HPSE2: variants seen among roughly 807,000 people sequenced by gnomAD.
HPSE2 encodes heparanase 2 (inactive), also known as inactive heparanase-2.
In HPSE2, 38 loss-of-function variants were observed where a neutral mutation model predicts 60.5. The observed-to-expected ratio is 0.63, with a 90% confidence interval of 0.48 to 0.82. HPSE2 has a LOEUF of 0.82. HPSE2 is among the 40% of genes least tolerant of loss of function. The pLI, the probability that HPSE2 is intolerant of heterozygous loss-of-function variation, is 0.00. For synonymous variants in HPSE2, 295 were observed against 293.2 expected, an observed-to-expected ratio of 1.01 and a Z score of -0.06; for missense variants, 713 against 740.4, an observed-to-expected ratio of 0.96 and a Z score of 0.43.
chr10:98,537,661 T>C (rs756686175), intron 9 of HPSE2, among the ~76,000 whole-genome samples: 8 of 152,166 alleles, frequency 5.3e-5, no homozygotes, highest in Non-Finnish European at 1.2e-4. Flanking sequence ...GAGGGCTCCT[T>C]GGTCAAGCGG....
intron 3 of HPSE2, among the ~76,000 whole-genome samples, chr10:98,755,339 T>G (rs913803482): frequency 2.6e-5 from 4 of 152,178 alleles, no homozygotes; most frequent in Non-Finnish European, 4.4e-5. Flanking sequence ...TAAACATATA[T>G]GCACTCAACA....
chr10:98,523,743 T>C (rs895007603), intron 9 of HPSE2, among the ~76,000 whole-genome samples: 10 of 152,192 alleles, frequency 6.6e-5, no homozygotes, highest in East Asian at 3.8e-4. Context: ...TAAAAATGTA[T>C]TTTTAAATTT....
chr10:98,895,958 A>G, intron 3 of HPSE2, among the ~76,000 whole-genome samples: 1 of 115,382 alleles, frequency 8.7e-6, no homozygotes. Flanking sequence ...GGGGGGAGGG[A>G]TAGCCTTAGG....
intron 3 of HPSE2, among the ~76,000 whole-genome samples, chr10:98,799,610 T>C (rs1950860035): frequency 6.6e-6 from 1 of 151,726 alleles, no homozygotes; most frequent in Non-Finnish European, 1.5e-5. Flanking sequence ...GGAATAAAAC[T>C]ATAAATTAAT....
chr10:99,190,355 T>C (rs767932782), intron 2 of HPSE2, among the ~76,000 whole-genome samples: 3 of 152,178 alleles, frequency 2.0e-5, no homozygotes, highest in African/African-American at 7.2e-5. Flanking sequence ...CTATCTATAA[T>C]ACAGAAATAA....
chr10:99,204,234 A>G (rs1848668916), intron 2 of HPSE2, among the ~76,000 whole-genome samples: 1 of 151,482 alleles, frequency 6.6e-6, no homozygotes, highest in Non-Finnish European at 1.5e-5. Context: ...CAAACAACAG[A>G]CCCACCCCAG....
intron 3 of HPSE2, among the ~76,000 whole-genome samples, chr10:98,945,996 A>T (rs185338601): frequency 1.3e-5 from 2 of 152,170 alleles, no homozygotes; most frequent in Admixed American, 6.6e-5. Context: ...TATATCAGAA[A>T]TTTTTTTCAA....
intron 3 of HPSE2, among the ~76,000 whole-genome samples, chr10:99,135,910 A>G (rs1285138273): frequency 6.6e-6 from 1 of 152,150 alleles, no homozygotes; most frequent in Admixed American, 6.5e-5. Flanking sequence ...TGAGGGAGAT[A>G]GAGACATGAA....
At chr10:99,305,532 G>T in the HPSE2 span, among the ~76,000 whole-genome samples, 1 of 152,088 alleles carries the variant, frequency 6.6e-6, no homozygotes, top group Non-Finnish European at 1.5e-5. Flanking sequence ...TAAAAGGAAG[G>T]AAGGAAAAAA....
intron 9 of HPSE2, among the ~76,000 whole-genome samples, chr10:98,548,886 C>T (rs969045485): frequency 1.3e-5 from 2 of 152,206 alleles, no homozygotes; most frequent in Admixed American, 6.5e-5. Flanking sequence ...ATCAGTCTTT[C>T]AATTCATCTT....
intron 7 of HPSE2, among the ~76,000 whole-genome samples, chr10:98,621,912 G>A (rs1946085124): frequency 6.6e-6 from 1 of 152,190 alleles, no homozygotes; most frequent in Admixed American, 6.5e-5. Flanking sequence ...GCTAGAGTAG[G>A]AGGTGGGACT....
rs180719473 is a variant in HPSE2, at chr10:98,483,263, T to C, written c.1467-481A>G. Among the ~76,000 whole-genome samples the C allele has an allele frequency of 1.4e-4, 22 of 152,324 alleles. No individual in the cohort carries two copies. The East Asian group carries it at 2.3e-3, about 16-fold the overall frequency. On this transcript the variant is annotated intron_variant, in intron 10 of 11. Coordinates refer to ENST00000370552, the MANE Select transcript of HPSE2 (RefSeq NM_021828.5). ...TTACTCAGTTTTTACATAACTGGAA[T>C]CACATTATTCACAGAGATTTTTTTC...
intron 3 of HPSE2, among the ~76,000 whole-genome samples, chr10:98,810,855 T>G (rs1044897783): frequency 1.3e-5 from 2 of 152,186 alleles, no homozygotes; most frequent in African/African-American, 4.8e-5. Flanking sequence ...AAAGCTGTCC[T>G]GGGCCACATG....
intron 3 of HPSE2, among the ~76,000 whole-genome samples, chr10:98,953,333 C>T (rs4635020): frequency 0.76 from 115,290 of 152,042 alleles, 44,167 homozygotes; most frequent in East Asian, 0.86. Context: ...TTATCCCACA[C>T]TGCACATGTC....
intron 3 of HPSE2, among the ~76,000 whole-genome samples, chr10:98,816,654 G>T (rs1316256467): frequency 6.6e-6 from 1 of 152,128 alleles, no homozygotes; most frequent in Non-Finnish European, 1.5e-5. Context: ...ACCCCAATTA[G>T]CTAACCAATT....
At chr10:98,813,880 G>A (rs543850136) in intron 3 of HPSE2, among the ~76,000 whole-genome samples, 2 of 152,072 alleles carry the variant, frequency 1.3e-5, no homozygotes, top group Non-Finnish European at 2.9e-5. Flanking sequence ...AAATTCAGAG[G>A]TACAAGATGG....
At chr10:98,581,044 G>A (rs942885859) in intron 9 of HPSE2, among the ~76,000 whole-genome samples, 2 of 151,102 alleles carry the variant, frequency 1.3e-5, no homozygotes, top group Admixed American at 6.6e-5. Context: ...GGGTTCAAGT[G>A]ATTTTCTTGC....
intron 3 of HPSE2, among the ~76,000 whole-genome samples, chr10:99,045,910 A>G (rs755355135): frequency 1.3e-5 from 2 of 152,322 alleles, no homozygotes; most frequent in Non-Finnish European, 2.9e-5. Flanking sequence ...TCAGATGTAC[A>G]AAGAAGAACT....
At chr10:99,023,757 G>A (rs939952898) in intron 3 of HPSE2, among the ~76,000 whole-genome samples, 6 of 152,286 alleles carry the variant, frequency 3.9e-5, no homozygotes, top group Admixed American at 3.9e-4. Context: ...GTTCCTCTAT[G>A]AGTCAACAAG....
Sources: allele counts gnomAD v4.1 joint callset (sites outside exome capture counted in the v4.1 genomes callset), GRCh38; gene constraint gnomAD v4.1.1; transcripts MANE v1.5; gene names NCBI Gene and HGNC (gene_info 2026-07-23, HGNC 2026-07-21).